The following WDHD1 variants were observed in gnomAD, a reference collection of about 807,000 sequenced individuals.
The protein encoded by WDHD1 is WD repeat and HMG-box DNA-binding protein 1.
Under a neutral mutation model 135.4 loss-of-function variants are expected in WDHD1, and 111 were observed. The observed-to-expected ratio is 0.82, with a 90% CI of 0.70 to 0.96. WDHD1 has a LOEUF of 0.96. Among genes scored for constraint, WDHD1 ranks in the 40% least tolerant of loss-of-function variants. The pLI, the probability that WDHD1 is intolerant of heterozygous loss-of-function variation, is 0.00. For synonymous variants in WDHD1, 434 were observed against 439.0 expected, an observed-to-expected ratio of 0.99 and a Z score of 0.14; for missense variants, 1,351 against 1,336.3, an observed-to-expected ratio of 1.01 and a Z score of -0.17.
At chr14:54,953,210 T>G (rs1460864150) in intron 24 of WDHD1, among the ~76,000 whole-genome samples, 2 of 151,936 alleles carry the variant, frequency 1.3e-5, no homozygotes, top group African/African-American at 4.8e-5. Context: ...GGGAAAAAAT[T>G]TTGCAATCTA....
At chr14:54,991,481 C>T (rs1417809282) in intron 11 of WDHD1, 81 bp from the exon 12 acceptor site, 1 of 1,336,724 alleles carries the variant, frequency 7.5e-7, no homozygotes, top group East Asian at 2.3e-5. Context: ...AATCTAGTAA[C>T]TTTTTCATTC....
At chr14:54,991,535 T>G in intron 11 of WDHD1, 135 bp from the exon 12 acceptor site, 1 of 839,644 alleles carries the variant, frequency 1.2e-6, no homozygotes, top group Non-Finnish European at 1.8e-6. Context: ...TTCACTGTGT[T>G]AAAGAGATGC....
At chr14:54,950,626 T>A (rs576809791) in intron 24 of WDHD1, among the ~76,000 whole-genome samples, 25 of 152,246 alleles carry the variant, frequency 1.6e-4, no homozygotes, top group Non-Finnish European at 2.9e-4. Context: ...GGAATTGAAC[T>A]CAGCTCTGCA....
chr14:54,972,932 G>A (rs917554995), intron 16 of WDHD1, among the ~76,000 whole-genome samples: 1 of 152,196 alleles, frequency 6.6e-6, no homozygotes, highest in Non-Finnish European at 1.5e-5. Flanking sequence ...GGCAAAGACT[G>A]TCTAAACCTG....
intron 24 of WDHD1, among the ~76,000 whole-genome samples, chr14:54,952,669 G>A (rs1185803645): frequency 2.6e-5 from 4 of 152,264 alleles, no homozygotes; most frequent in Middle Eastern, 3.4e-3. Context: ...AACCAAAAAA[G>A]AGCCCGCATT....
intron 10 of WDHD1, among the ~76,000 whole-genome samples, chr14:54,997,023 C>G (rs984961483): frequency 3.3e-5 from 5 of 151,364 alleles, no homozygotes; most frequent in African/African-American, 1.2e-4. Context: ...ATCTCTTGAC[C>G]TCGTGATCCA....
intron 8 of WDHD1, among the ~76,000 whole-genome samples, chr14:55,001,710 C>T (rs1440949214): frequency 6.6e-6 from 1 of 152,204 alleles, no homozygotes; most frequent in South Asian, 2.1e-4. Flanking sequence ...ACCTACTGGG[C>T]TTATGTTTCC....
rs530532264 is a variant in WDHD1, at chr14:54,943,842, TAAA to T, written c.3189+487_3189+489del. ...GCAACACAGTGAGAGGTTGTCTCTA[TAAA>T]AAAAAAAAAGAGGACAATTGCTTGT... is the stretch of plus-strand genomic sequence containing the variant. On this transcript the variant is annotated intron_variant, in intron 25 of 25. Coordinates refer to ENST00000360586, the MANE Select transcript of WDHD1 (RefSeq NM_007086.4). Among the ~76,000 whole-genome samples, 364 of 136,358 alleles carry T rather than the reference TAAA, an allele frequency of 2.7e-3. 1 individual carries two copies. Among genetic ancestry groups the T allele is most frequent in the African/African-American group, 9.3e-3 (344 of 37,036 alleles). The allele number at this position is 136,358 out of a possible 152,430, so 89.5% of individuals were successfully genotyped here.
chr14:55,019,007 G>C (rs1003270506), intron 2 of WDHD1, among the ~76,000 whole-genome samples: 3 of 152,084 alleles, frequency 2.0e-5, no homozygotes, highest in Admixed American at 6.5e-5. Flanking sequence ...TGGGCAACAA[G>C]AGTGAAACTC....
At chr14:55,017,048 A>G (rs2042272288) in intron 2 of WDHD1, among the ~76,000 whole-genome samples, 1 of 152,228 alleles carries the variant, frequency 6.6e-6, no homozygotes, top group African/African-American at 2.4e-5. Context: ...TTTACTCTTC[A>G]GTTCATGGAA....
intron 16 of WDHD1, among the ~76,000 whole-genome samples, chr14:54,980,651 A>G (rs143750335): frequency 0.074 from 11,170 of 151,948 alleles, 558 homozygotes; most frequent in Non-Finnish European, 0.11. Flanking sequence ...TAAAAATACA[A>G]AAATTAGCTG....
intron 24 of WDHD1, among the ~76,000 whole-genome samples, chr14:54,945,798 C>CA (rs1191251423): frequency 1.4e-4 from 22 of 152,308 alleles, no homozygotes; most frequent in Middle Eastern, 3.4e-3. Context: ...CTCGGCCTCC[C>CA]AAAGTGCTGG....
intron 16 of WDHD1, among the ~76,000 whole-genome samples, chr14:54,971,816 TA>T (rs200329770): frequency 1.4e-5 from 2 of 147,338 alleles, no homozygotes; most frequent in African/African-American, 5.0e-5. Context: ...ATAAGGAACT[TA>T]AAAAAAAATC....
Position 54,941,506 on chromosome 14 carries a change from G to A in WDHD1, c.3374C>T (p.Ala1125Val), listed in dbSNP as rs374544869. The change falls in exon 26 of 26, where the codon GCA becomes GTA. Residue 1125 changes from alanine to valine, a missense_variant. Around this residue, in one of 2 missense-constraint regions of WDHD1, gnomAD observed 1,330 missense variants for 1,296.1 expected, o/e 1.03. Coordinates refer to ENST00000360586, the MANE Select transcript of WDHD1 (RefSeq NM_007086.4). ...TTTCTTCCTTTACTCCTGCTTAAATGCAAAAGCTGATAGTTTCTGATTTGT... is the reference window on the plus strand; with the variant it reads ...TTTCTTCCTTTACTCCTGCTTAAATACAAAAGCTGATAGTTTCTGATTTGT... ...FSTNQKLSAFAFKQE is the reference protein window; with the variant it reads ...FSTNQKLSAFVFKQE The A allele has an allele frequency of 2.5e-6, 4 of 1,611,046 alleles. No individual in the cohort carries two copies. Among genetic ancestry groups the A allele is most frequent in the Non-Finnish European group, 3.4e-6 (4 of 1,179,406 alleles).
chr14:54,956,053 G>A (rs907709017), intron 23 of WDHD1, among the ~76,000 whole-genome samples: 2 of 151,766 alleles, frequency 1.3e-5, no homozygotes, highest in South Asian at 4.2e-4. Context: ...ACCTGCCACC[G>A]CGGCTGGCCT....
chr14:55,026,829 CTTATTATT>C (rs2042454118), intron 1 of WDHD1, 26 bp from the exon 2 acceptor site: 1 of 1,607,426 alleles, frequency 6.2e-7, no homozygotes, highest in Admixed American at 1.7e-5. Flanking sequence ...AAAAGCCAGT[CTTATTATT>C]TCAAAAGAGA....
intron 24 of WDHD1, among the ~76,000 whole-genome samples, chr14:54,947,446 T>C (rs1399707267): frequency 1.3e-5 from 2 of 152,168 alleles, no homozygotes; most frequent in Non-Finnish European, 2.9e-5. Context: ...AAACAGGAAA[T>C]GTGAAAACCA....
intron 3 of WDHD1, among the ~76,000 whole-genome samples, chr14:55,012,167 T>C (rs893856928): frequency 3.3e-5 from 5 of 152,238 alleles, no homozygotes; most frequent in African/African-American, 1.2e-4. Flanking sequence ...TAGTAAGATT[T>C]AGCTTACATT....
chr14:55,011,314 G>A (rs1038988962), intron 3 of WDHD1, among the ~76,000 whole-genome samples: 1 of 152,020 alleles, frequency 6.6e-6, no homozygotes, highest in Non-Finnish European at 1.5e-5. Flanking sequence ...TGGATCACGT[G>A]AGGTCAGGAG....
Sources: gnomAD v4.1 joint callset for allele counts (sites outside exome capture counted in the v4.1 genomes callset) on GRCh38, gnomAD v4.1.1 for gene constraint, gnomAD v4.1.1 regional missense constraint, MANE v1.5 for transcripts, NCBI Gene and HGNC (gene_info 2026-07-23, HGNC 2026-07-21) for gene names.